The following RNF217 variants were observed in gnomAD, a reference collection of about 807,000 sequenced individuals.
RNF217 encodes E3 ubiquitin-protein ligase RNF217.
A neutral mutation model predicts 57.8 loss-of-function variants in RNF217; 31 were observed. The ratio of observed to expected loss-of-function variants is 0.54; its 90% confidence interval spans 0.40 to 0.72. The LOEUF (loss-of-function observed/expected upper bound fraction) is 0.72, where lower values mean the gene tolerates loss of function less well. Ranked by LOEUF, RNF217 falls within the 30% of genes least tolerant of loss-of-function variation. RNF217 has a pLI of 0.00. For missense variants in RNF217, 696 were observed against 708.3 expected, an observed-to-expected ratio of 0.98 and a Z score of 0.20; for synonymous variants, 313 against 294.0, an observed-to-expected ratio of 1.06 and a Z score of -0.66.
intron 1 of RNF217, among the ~76,000 whole-genome samples, chr6:125,031,948 G>A (rs1157208350): frequency 1.3e-5 from 2 of 152,176 alleles, no homozygotes; most frequent in Non-Finnish European, 2.9e-5. Flanking sequence ...AGTTCCGCAT[G>A]TCTGGGGAGG....
intron 1 of RNF217, among the ~76,000 whole-genome samples, chr6:125,027,115 A>G (rs1452555235): frequency 6.6e-6 from 1 of 152,116 alleles, no homozygotes; most frequent in African/African-American, 2.4e-5. Flanking sequence ...ATGGAGAATG[A>G]GGTATCCATC....
intron 1 of RNF217, among the ~76,000 whole-genome samples, chr6:125,015,350 G>A (rs1339822160): frequency 1.3e-5 from 2 of 152,050 alleles, no homozygotes; most frequent in Non-Finnish European, 2.9e-5. Flanking sequence ...TACTTGTAAA[G>A]TCAGCACATT....
At chr6:124,979,335 GAGAAAGGAGTT>G (rs1784075936) in intron 1 of RNF217, among the ~76,000 whole-genome samples, 1 of 152,190 alleles carries the variant, frequency 6.6e-6, no homozygotes, top group African/African-American at 2.4e-5. Flanking sequence ...GGGAGGGTAG[GAGAAAGGAGTT>G]AGGCGTGGGC....
intron 3 of RNF217, among the ~76,000 whole-genome samples, chr6:125,062,818 C>T (rs1045826877): frequency 6.6e-6 from 1 of 152,118 alleles, no homozygotes; most frequent in African/African-American, 2.4e-5. Flanking sequence ...TCAGGTGATC[C>T]GCCCACCTCA....
chr6:125,073,574 C>G, intron 3 of RNF217, among the ~76,000 whole-genome samples: 1 of 152,180 alleles, frequency 6.6e-6, no homozygotes, highest in Non-Finnish European at 1.5e-5. Context: ...CAACCCATAG[C>G]AAGAAACATG....
intron 1 of RNF217, among the ~76,000 whole-genome samples, chr6:125,014,509 T>C (rs1023841302): frequency 5.3e-5 from 8 of 152,338 alleles, no homozygotes; most frequent in African/African-American, 1.9e-4. Context: ...TGTATATGCC[T>C]TTCTGATGCA....
chr6:125,008,727 C>T (rs1270236501), intron 1 of RNF217: 1 of 145,124 alleles, frequency 6.9e-6, no homozygotes, highest in African/African-American at 2.5e-5. Context: ...TGGTCCTTTC[C>T]CAGGGGCTAC....
rs1421492466 is a variant in RNF217 at position 125,076,843 on chromosome 6, C to T, written c.1468C>T (p.Arg490Ter). ...GAGACCTCATTTAAGGAGATTAGTG[C>T]GAGGGTCAGTCTGTGGTGAGTGTCT... Reference protein sequence around the residue: ...PERPHLRRLVRGSVCAGKLFI... With the variant: ...PERPHLRRLV The change falls in exon 4 of 6, where the codon CGA (arginine) becomes TGA (stop). Residue 490 changes from arginine to a stop codon, truncating the protein, a stop_gained. Coordinates refer to ENST00000521654, the MANE Select transcript of RNF217 (RefSeq NM_001286398.3). LOFTEE classifies it high-confidence loss of function. 5 of 1,613,060 alleles carry T rather than the reference C, an allele frequency of 3.1e-6. No individual in the cohort carries two copies. Among genetic ancestry groups the T allele is most frequent in the Non-Finnish European group, 3.4e-6 (4 of 1,179,366 alleles).
At chr6:124,997,901 C>T (rs1045493832) in intron 1 of RNF217, among the ~76,000 whole-genome samples, 4 of 152,130 alleles carry the variant, frequency 2.6e-5, no homozygotes, top group African/African-American at 4.8e-5. Flanking sequence ...CTGATCCCAC[C>T]GCTTGAACTG....
At chr6:125,059,339 C>T (rs981454234) in intron 3 of RNF217, among the ~76,000 whole-genome samples, 4 of 152,114 alleles carry the variant, frequency 2.6e-5, no homozygotes, top group African/African-American at 4.8e-5. Context: ...ATCACTGCAT[C>T]GGTTGCTCAG....
chr6:125,013,343 T>C (rs1785480918), intron 1 of RNF217, among the ~76,000 whole-genome samples: 1 of 113,704 alleles, frequency 8.8e-6, no homozygotes, highest in Non-Finnish European at 1.8e-5. Flanking sequence ...TGCTTGCATG[T>C]TTTGTGTATG....
rs1343631032 is a variant in RNF217 at position 124,963,369 on chromosome 6, G to A, written c.825G>A (p.Leu275=). 1 of 1,521,694 alleles carries A rather than the reference G, an allele frequency of 6.6e-7. No homozygotes were observed. Among genetic ancestry groups the A allele is most frequent in the Non-Finnish European group, 8.8e-7 (1 of 1,140,492 alleles). The allele number at this position is 1,521,694 out of a possible 1,614,324, so 94.3% of individuals were successfully genotyped here. A position where few individuals can be genotyped will look rare whatever the true frequency, so the allele number is the denominator to read the frequency against. ...TGGAAGACAAGCCCATCAAGCCCCT[G>A]CCTTGCTGCAAGAAGGCCGTGTGCG... ...VCLEDKPIKP[L]PCCKKAVCEE... is the part of the protein sequence containing the mutation. The change falls in exon 1 of 6, where the codon CTG becomes CTA. Residue 275 remains leucine (L), a synonymous_variant. Transcript: ENST00000521654.
intron 1 of RNF217, among the ~76,000 whole-genome samples, chr6:125,036,525 A>G (rs564434674): frequency 6.6e-6 from 1 of 152,266 alleles, no homozygotes; most frequent in South Asian, 2.1e-4. Context: ...GACAAATGGG[A>G]TCTAATTAAA....
chr6:125,003,333 G>A (rs1024893603), intron 1 of RNF217, among the ~76,000 whole-genome samples: 1 of 152,302 alleles, frequency 6.6e-6, no homozygotes, highest in East Asian at 1.9e-4. Flanking sequence ...GAGTCAGACT[G>A]ATAGGGATTA....
At chr6:124,976,042 T>C (rs1448385946) in intron 1 of RNF217, among the ~76,000 whole-genome samples, 1 of 152,118 alleles carries the variant, frequency 6.6e-6, no homozygotes, top group Non-Finnish European at 1.5e-5. Context: ...TGTCTTCAAG[T>C]GTTGGTGCTT....
In RNF217 at chr6:124,973,141, C is replaced by T. The variant is rs530526681; in HGVS notation, c.882+9715C>T. ...AATGAAAATTTCAGTATTTCATTTTCTTGTTTAAAAACCTGTAAGACCTCC... is the reference window on the plus strand; with the variant it reads ...AATGAAAATTTCAGTATTTCATTTTTTTGTTTAAAAACCTGTAAGACCTCC... On this transcript the variant is annotated intron_variant, in intron 1 of 5. Transcript: ENST00000521654. Among the ~76,000 whole-genome samples the T allele has an allele frequency of 2.5e-4, 38 of 152,206 alleles. 1 individual carries two copies. The South Asian group carries it at 7.5e-3, about 30-fold the overall frequency.
At chr6:125,007,213 C>G (rs997177576) in intron 1 of RNF217, among the ~76,000 whole-genome samples, 7 of 149,908 alleles carry the variant, frequency 4.7e-5, no homozygotes, top group Non-Finnish European at 7.4e-5. Flanking sequence ...TTCTTCTTGC[C>G]TAATGGTTTC....
At chr6:124,966,023 TG>T (rs1783524865) in intron 1 of RNF217, among the ~76,000 whole-genome samples, 1 of 152,174 alleles carries the variant, frequency 6.6e-6, no homozygotes, top group Non-Finnish European at 1.5e-5. Flanking sequence ...GGCTAGGAAG[TG>T]GTGTTCTGCA....
intron 1 of RNF217, among the ~76,000 whole-genome samples, chr6:125,012,426 A>G (rs1485109995): frequency 6.6e-6 from 1 of 152,150 alleles, no homozygotes; most frequent in Non-Finnish European, 1.5e-5. Flanking sequence ...CCCATTTTAT[A>G]TATGCCCACT....
Sources: allele counts gnomAD v4.1 joint callset (sites outside exome capture counted in the v4.1 genomes callset), GRCh38; gene constraint gnomAD v4.1.1; transcripts MANE v1.5; gene names NCBI Gene and HGNC (gene_info 2026-07-23, HGNC 2026-07-21).